The following CRIM1 variants were observed in gnomAD, a reference collection of about 807,000 sequenced individuals.
CRIM1 encodes cysteine rich transmembrane BMP regulator 1.
A neutral mutation model predicts 116.4 loss-of-function variants in CRIM1; 32 were observed. That is an observed-to-expected ratio of 0.27 (90% CI 0.21 to 0.37). The LOEUF (loss-of-function observed/expected upper bound fraction) is 0.37, where lower values mean the gene tolerates loss of function less well. Among genes scored for constraint, CRIM1 ranks in the 10% least tolerant of loss-of-function variants. The pLI is 1.00. For synonymous variants in CRIM1, 590 were observed against 509.2 expected (o/e 1.16, Z -2.13); for missense variants, 1,331 against 1,354.8 (o/e 0.98, Z 0.28).
intron 13 of CRIM1, among the ~76,000 whole-genome samples, chr2:36,528,405 T>A (rs889698399): frequency 6.6e-6 from 1 of 152,254 alleles, no homozygotes; most frequent in Non-Finnish European, 1.5e-5. Context: ...TCAGCTGTGT[T>A]GTGACAGGGC....
intron 14 of CRIM1, 147 bp from the exon 15 acceptor site, chr2:36,544,229 T>C: frequency 1.8e-6 from 1 of 568,664 alleles, no homozygotes; most frequent in Non-Finnish European, 2.7e-6. Context: ...CTAGCATGAG[T>C]GATGAATGAT....
chr2:36,473,557 C>T (rs992526116), intron 5 of CRIM1, among the ~76,000 whole-genome samples: 1 of 152,126 alleles, frequency 6.6e-6, no homozygotes, highest in African/African-American at 2.4e-5. Flanking sequence ...AACCACTAAT[C>T]TACTTTCTAT....
At chr2:36,515,972 C>T (rs886745953) in intron 11 of CRIM1, among the ~76,000 whole-genome samples, 1 of 152,240 alleles carries the variant, frequency 6.6e-6, no homozygotes, top group Admixed American at 6.5e-5. Context: ...TTGTAATTCT[C>T]TTCCTCTCTC....
intron 2 of CRIM1, among the ~76,000 whole-genome samples, chr2:36,426,405 TA>T (rs1283610491): frequency 6.6e-6 from 1 of 152,212 alleles, no homozygotes; most frequent in African/African-American, 2.4e-5. Context: ...TGAGATCAAG[TA>T]AAATCCCTAG....
intron 2 of CRIM1, among the ~76,000 whole-genome samples, chr2:36,438,008 C>G (rs777445932): frequency 6.6e-6 from 1 of 151,686 alleles, no homozygotes; most frequent in South Asian, 2.1e-4. Flanking sequence ...GGCACGCACC[C>G]GTAGTCCCAG....
chr2:36,396,561 G>T (rs1314778557), intron 1 of CRIM1, 53 bp from the exon 2 acceptor site: 3 of 1,278,798 alleles, frequency 2.3e-6, no homozygotes, highest in African/African-American at 3.0e-5. Flanking sequence ...CCGCGAACAG[G>T]CCTTTGAATG....
chr2:36,455,504 G>T (rs1366072047), intron 4 of CRIM1, among the ~76,000 whole-genome samples: 1 of 152,188 alleles, frequency 6.6e-6, no homozygotes, highest in African/African-American at 2.4e-5. Context: ...GCCAGAACTT[G>T]AACCTAAGAC....
At chr2:36,363,386 C>T (rs1027157895) in intron 1 of CRIM1, among the ~76,000 whole-genome samples, 2 of 151,970 alleles carry the variant, frequency 1.3e-5, no homozygotes, top group African/African-American at 4.8e-5. Flanking sequence ...AGGCTACTAA[C>T]CAGTATAAGT....
chr2:36,410,197 G>GT (rs1400963452), intron 2 of CRIM1, among the ~76,000 whole-genome samples: 2 of 151,784 alleles, frequency 1.3e-5, no homozygotes, highest in Non-Finnish European at 2.9e-5. Context: ...TCGAGGATGT[G>GT]TTTTTTTTGT....
intron 8 of CRIM1, among the ~76,000 whole-genome samples, chr2:36,503,488 C>T (rs905586844): frequency 2.0e-5 from 3 of 152,220 alleles, no homozygotes; most frequent in Non-Finnish European, 4.4e-5. Context: ...ATAGCATCTT[C>T]TTCTGAGTCG....
chr2:36,471,983 T>C (rs934971386), intron 5 of CRIM1, among the ~76,000 whole-genome samples: 1 of 152,218 alleles, frequency 6.6e-6, no homozygotes, highest in Non-Finnish European at 1.5e-5. Context: ...CAGTGTAGTT[T>C]GGTAGGCAGT....
At position 36,522,247 on chromosome 2, in the gene CRIM1, T is replaced by A. The variant is rs138090505; in HGVS notation, c.2362T>A (p.Ser788Thr). Residue 788 changes from serine to threonine, a missense_variant, in exon 13 of 17, where the codon TCC becomes ACC. By Grantham distance (58) the Ser-to-Thr change is moderately conservative (BLOSUM62 1). This residue lies in a region of CRIM1 where 358 missense variants were observed against 436.1 expected (regional missense o/e 0.82). Transcript: ENST00000280527. ...TAGCGTAATTAGCTGTTTCTCTGAG[T>A]CCTGCCCTTCTGTATCCTGTGAAAG... ...IDSVISCFSESCPSVSCERPV... is the reference protein window; with the variant it reads ...IDSVISCFSETCPSVSCERPV... 65 of 1,614,074 alleles carry A rather than the reference T, an allele frequency of 4.0e-5. No individual in the cohort carries two copies. In the African/African-American group the frequency reaches 7.7e-4, roughly 19 times the overall value.
At chr2:36,533,362 G>T (rs1666248114) in intron 13 of CRIM1, among the ~76,000 whole-genome samples, 1 of 149,740 alleles carries the variant, frequency 6.7e-6, no homozygotes, top group South Asian at 2.1e-4. Context: ...ACTAAGGCAG[G>T]TAGCTAGCTT....
At chr2:36,510,424 G>A (rs986612420) in intron 9 of CRIM1, among the ~76,000 whole-genome samples, 1 of 152,210 alleles carries the variant, frequency 6.6e-6, no homozygotes, top group African/African-American at 2.4e-5. Flanking sequence ...CTGCTGGCAA[G>A]ATTAGGAGAT....
intron 1 of CRIM1, among the ~76,000 whole-genome samples, chr2:36,365,859 G>A (rs1028848913): frequency 1.3e-5 from 2 of 151,462 alleles, no homozygotes; most frequent in Admixed American, 1.3e-4. Context: ...TCAGCCTCCT[G>A]AGTAGCTGGG....
intron 4 of CRIM1, among the ~76,000 whole-genome samples, chr2:36,454,357 C>T (rs1028046242): frequency 6.6e-6 from 1 of 152,186 alleles, no homozygotes; most frequent in Non-Finnish European, 1.5e-5. Context: ...CACTCACACC[C>T]CTCACCACCA....
intron 13 of CRIM1, chr2:36,531,713 T>C (rs1017153): frequency 3.1e-6 from 1 of 323,332 alleles, no homozygotes; most frequent in Non-Finnish European, 6.1e-6. Flanking sequence ...TTTCAAGGCC[T>C]TGCCGCTTCT....
At chr2:36,433,741 A>G (rs1308642353) in intron 2 of CRIM1, among the ~76,000 whole-genome samples, 1 of 152,196 alleles carries the variant, frequency 6.6e-6, no homozygotes, top group Non-Finnish European at 1.5e-5. Context: ...TGAATTAAGA[A>G]ATCACGTTAC....
At chr2:36,466,164 G>C (rs576382217) in intron 5 of CRIM1, among the ~76,000 whole-genome samples, 1 of 152,118 alleles carries the variant, frequency 6.6e-6, no homozygotes, top group Admixed American at 6.5e-5. Context: ...GGGATTACAC[G>C]TGTGAGCCAC....
Sources: gnomAD v4.1 joint callset for allele counts (sites outside exome capture counted in the v4.1 genomes callset) on GRCh38, gnomAD v4.1.1 for gene constraint, gnomAD v4.1.1 regional missense constraint, MANE v1.5 for transcripts, NCBI Gene and HGNC (gene_info 2026-07-23, HGNC 2026-07-21) for gene names.